Variants in CHCHD3 observed in about 807,000 individuals in gnomAD.
The protein encoded by CHCHD3 is coiled-coil-helix-coiled-coil-helix domain containing 3, also known as MICOS complex subunit MIC19.
Under a neutral mutation model 38.2 loss-of-function variants are expected in CHCHD3, and 20 were observed. The observed-to-expected ratio is 0.52, with a 90% CI of 0.37 to 0.76. The LOEUF is 0.76. CHCHD3 is among the 30% of genes least tolerant of loss of function. CHCHD3 has a pLI of 0.00. For missense variants in CHCHD3, 245 were observed against 279.2 expected (o/e 0.88, Z 0.87); for synonymous variants, 82 against 100.0 (o/e 0.82, Z 1.07).
rs1554402334 is a variant in CHCHD3 at position 133,027,363 on chromosome 7, A to AGAGAG, written c.170-2737_170-2736insCTCTC. 2.3e-3 allele frequency among the ~76,000 whole-genome samples: 306 copies of AGAGAG among 133,842 alleles called. 1 individual carries two copies. The highest frequency in any genetic ancestry group is 2.8e-3 in the African/African-American group (103 of 36,490). 87.8% of individuals were successfully genotyped at this position (133,842 alleles called of 152,430 possible). ...TGCTAAATGTACCTTAATAAGTTGT[A>AGAGAG]AGAGAGAGAGAGAGAGAGAGAGAAA... On this transcript the variant is annotated intron_variant, in intron 2 of 7. Coordinates refer to ENST00000262570, the MANE Select transcript of CHCHD3 (RefSeq NM_017812.4).
intron 4 of CHCHD3, among the ~76,000 whole-genome samples, chr7:132,941,220 G>T (rs1810759808): frequency 6.6e-6 from 1 of 152,090 alleles, no homozygotes; most frequent in African/African-American, 2.4e-5. Context: ...ACAGTTCTTG[G>T]ATTCATAGTT....
chr7:132,815,699 G>T (rs1585539046), intron 6 of CHCHD3: 1 of 366,680 alleles, frequency 2.7e-6, no homozygotes, highest in Non-Finnish European at 5.4e-6. Context: ...AGTCCTTTAG[G>T]CTTTCGTCCT....
At chr7:132,791,014 G>A (rs1176259907) in intron 7 of CHCHD3, among the ~76,000 whole-genome samples, 1 of 152,184 alleles carries the variant, frequency 6.6e-6, no homozygotes, top group Non-Finnish European at 1.5e-5. Flanking sequence ...GACCTATAGG[G>A]AGTGATAGCT....
chr7:133,059,727 C>G (rs189936114), intron 2 of CHCHD3, among the ~76,000 whole-genome samples: 1 of 152,298 alleles, frequency 6.6e-6, no homozygotes. Context: ...TAAGCACCAT[C>G]AGGAGCCTGG....
At chr7:132,876,966 T>C (rs1191317188) in intron 5 of CHCHD3, among the ~76,000 whole-genome samples, 1 of 152,156 alleles carries the variant, frequency 6.6e-6, no homozygotes, top group Non-Finnish European at 1.5e-5. Flanking sequence ...CGCTGTACTG[T>C]ATGCCATCAA....
At chr7:133,013,711 T>C (rs556043070) in intron 3 of CHCHD3, among the ~76,000 whole-genome samples, 6 of 152,222 alleles carry the variant, frequency 3.9e-5, no homozygotes, top group African/African-American at 1.4e-4. Flanking sequence ...TTATATAACA[T>C]GCTCATTTTG....
At chr7:132,944,382 G>T (rs1810844564) in intron 4 of CHCHD3, among the ~76,000 whole-genome samples, 1 of 145,336 alleles carries the variant, frequency 6.9e-6, no homozygotes, top group Non-Finnish European at 1.5e-5. Flanking sequence ...TAGCCAAGAA[G>T]ACATTCTTCT....
intron 4 of CHCHD3, among the ~76,000 whole-genome samples, chr7:132,890,062 T>C (rs931044735): frequency 1.3e-5 from 2 of 152,200 alleles, no homozygotes; most frequent in African/African-American, 4.8e-5. Flanking sequence ...CTTGCCAGAT[T>C]CGGGATAACG....
intron 3 of CHCHD3, among the ~76,000 whole-genome samples, chr7:132,986,574 T>C (rs1038696768): frequency 5.3e-5 from 8 of 152,230 alleles, no homozygotes; most frequent in East Asian, 1.9e-4. Context: ...CAGCAAAGGA[T>C]GGTTTGATAA....
chr7:133,013,206 A>AAAAAAAAAAAAAAAAAAAAAAG (rs35863843), intron 3 of CHCHD3, among the ~76,000 whole-genome samples: 1 of 108,734 alleles, frequency 9.2e-6, no homozygotes. Flanking sequence ...AAAAAAAAAA[A>AAAAAAAAAAAAAAAAAAAAAAG]CATTCAGACA....
At chr7:132,958,295 A>G (rs1286048921) in intron 4 of CHCHD3, among the ~76,000 whole-genome samples, 6 of 152,222 alleles carry the variant, frequency 3.9e-5, no homozygotes, top group Non-Finnish European at 7.3e-5. Context: ...TCTAAATAAT[A>G]ATTAATGGCT....
rs571673352 is a variant in CHCHD3, at chr7:132,934,419, C to T, written c.369+40750G>A. On this transcript the variant is annotated intron_variant, in intron 4 of 7. Coordinates refer to ENST00000262570, the MANE Select transcript of CHCHD3 (RefSeq NM_017812.4). ...AATTCACAATCCATGGGGTGGGACA[C>T]AGATAAGCAGGGAAATGCTGCAGTC... is the stretch of plus-strand genomic sequence containing the variant. Among the ~76,000 whole-genome samples the T allele has an allele frequency of 4.6e-5, 7 of 152,172 alleles. No individual in the cohort carries two copies. In the South Asian group the frequency reaches 8.3e-4, roughly 18 times the overall value.
chr7:132,929,228 C>T (rs529347264), intron 4 of CHCHD3, among the ~76,000 whole-genome samples: 21 of 152,206 alleles, frequency 1.4e-4, no homozygotes, highest in African/African-American at 4.8e-4. Flanking sequence ...ATGGTTCAAC[C>T]AGTTTCTCAC....
chr7:132,889,083 C>T (rs545165416), intron 4 of CHCHD3, among the ~76,000 whole-genome samples: 19 of 152,094 alleles, frequency 1.2e-4, no homozygotes, highest in South Asian at 6.2e-4. Flanking sequence ...TTACACTTGA[C>T]TATGAGATGG....
intron 6 of CHCHD3, among the ~76,000 whole-genome samples, chr7:132,834,869 C>T (rs957050591): frequency 6.6e-6 from 1 of 152,156 alleles, no homozygotes. Context: ...ACATGATAAA[C>T]TCACCTCCCC....
chr7:132,842,780 G>A (rs1160922495), intron 5 of CHCHD3, among the ~76,000 whole-genome samples: 2 of 152,262 alleles, frequency 1.3e-5, no homozygotes, highest in East Asian at 3.9e-4. Flanking sequence ...CCTGATTTCA[G>A]GGGCTACCTT....
At chr7:132,977,345 T>C (rs531814314) in intron 3 of CHCHD3, among the ~76,000 whole-genome samples, 1 of 152,346 alleles carries the variant, frequency 6.6e-6, no homozygotes, top group South Asian at 2.1e-4. Context: ...AGAATTCTGA[T>C]GCATGCTAAA....
intron 6 of CHCHD3, among the ~76,000 whole-genome samples, chr7:132,797,577 CG>C (rs1806652326): frequency 6.6e-6 from 1 of 152,118 alleles, no homozygotes; most frequent in Non-Finnish European, 1.5e-5. Context: ...TATTAGACAT[CG>C]GAACCCTACA....
intron 4 of CHCHD3, among the ~76,000 whole-genome samples, chr7:132,886,030 C>A (rs1809199890): frequency 6.6e-6 from 1 of 152,080 alleles, no homozygotes; most frequent in South Asian, 2.1e-4. Context: ...TTTAACTTCC[C>A]TATCAAAGAG....
Sources: gnomAD v4.1 joint callset for allele counts (sites outside exome capture counted in the v4.1 genomes callset) on GRCh38, gnomAD v4.1.1 for gene constraint, MANE v1.5 for transcripts, NCBI Gene and HGNC (gene_info 2026-07-23, HGNC 2026-07-21) for gene names.